The following ATXN1 variants were observed in gnomAD, a reference collection of about 807,000 sequenced individuals.
ATXN1 encodes ataxin-1.
Under a neutral mutation model 56.4 loss-of-function variants are expected in ATXN1, and 8 were observed. The observed-to-expected ratio is 0.14, with a 90% CI of 0.08 to 0.26. The LOEUF is 0.26. Ranked by LOEUF, ATXN1 falls within the 10% of genes least tolerant of loss-of-function variation. ATXN1 has a pLI of 1.00. For missense variants in ATXN1, 987 were observed against 1,106.5 expected, an observed-to-expected ratio of 0.89 and a Z score of 1.53; for synonymous variants, 514 against 494.6, an observed-to-expected ratio of 1.04 and a Z score of -0.52.
At chr6:16,310,776 C>T (rs779720268) in intron 7 of ATXN1, among the ~76,000 whole-genome samples, 1 of 152,206 alleles carries the variant, frequency 6.6e-6, no homozygotes, top group Non-Finnish European at 1.5e-5. Context: ...CGTGAGCCAC[C>T]GTGTCAGGCC....
rs1395125170 is a variant in ATXN1 at position 16,316,892 on chromosome 6, T to TTTTTTTTTA, written c.1917+9501_1917+9502insTAAAAAAAA. Among the ~76,000 whole-genome samples, 18 of 129,622 alleles carry TTTTTTTTTA rather than the reference T, an allele frequency of 1.4e-4. 1 individual carries two copies. Among genetic ancestry groups the TTTTTTTTTA allele is most frequent in the African/African-American group, 4.8e-4 (17 of 35,068 alleles). 85.0% of individuals were successfully genotyped at this position (129,622 alleles called of 152,430 possible). On this transcript the variant is annotated intron_variant, in intron 7 of 7. Transcript: ENST00000436367. ...TTTTTTTTTTTTTTTTTTTTTTTTT[T>TTTTTTTTTA]AACCAGCCAGAACTAAAGTGGGCTG...
At chr6:16,645,365 CA>C (rs1287374362) in intron 3 of ATXN1, among the ~76,000 whole-genome samples, 2 of 152,328 alleles carry the variant, frequency 1.3e-5, no homozygotes, top group African/African-American at 4.8e-5. Flanking sequence ...GTCCTGAGGA[CA>C]GATTATTGAA....
In ATXN1 at chr6:16,336,789, C is replaced by T. The variant is rs9477085; in HGVS notation, c.-160-8319G>A. 1.8e-3 allele frequency among the ~76,000 whole-genome samples: 279 copies of T among 152,204 alleles called. 3 individuals are homozygous for T. Among genetic ancestry groups the T allele is most frequent in the African/African-American group, 6.5e-3 (271 of 41,526 alleles). On this transcript the variant is annotated intron_variant, in intron 6 of 7. Coordinates refer to ENST00000436367, the MANE Select transcript of ATXN1 (RefSeq NM_001128164.2). The stretch of plus-strand genomic sequence containing the variant: ...TCAGGGGAATCTGCCACTACCACTG[C>T]CAGCTGGGACTGCAGTGGGTCAAGC...
chr6:16,678,414 A>G (rs1237836035), intron 2 of ATXN1, among the ~76,000 whole-genome samples: 1 of 152,214 alleles, frequency 6.6e-6, no homozygotes, highest in Non-Finnish European at 1.5e-5. Flanking sequence ...TTTTTATTCT[A>G]TCTTATATTA....
intron 6 of ATXN1, among the ~76,000 whole-genome samples, chr6:16,386,103 C>T (rs755708336): frequency 9.2e-5 from 14 of 152,184 alleles, no homozygotes; most frequent in Non-Finnish European, 2.1e-4. Flanking sequence ...CACATTCCAG[C>T]CTCTAAAGCA....
At chr6:16,559,934 C>A (rs989275943) in intron 4 of ATXN1, among the ~76,000 whole-genome samples, 4 of 152,102 alleles carry the variant, frequency 2.6e-5, no homozygotes, top group Non-Finnish European at 5.9e-5. Context: ...CAAATAGAGG[C>A]ATTTGGCTAA....
At chr6:16,646,055 C>CA (rs1030158919) in intron 3 of ATXN1, among the ~76,000 whole-genome samples, 23 of 148,136 alleles carry the variant, frequency 1.6e-4, no homozygotes, top group Middle Eastern at 3.4e-3. Context: ...TCCATCTCTA[C>CA]AAAAAAAAAA....
chr6:16,457,030 T>C (rs1759890616), intron 6 of ATXN1, among the ~76,000 whole-genome samples: 1 of 152,192 alleles, frequency 6.6e-6, no homozygotes, highest in Non-Finnish European at 1.5e-5. Context: ...TGGAGATCCC[T>C]TCCTTCCCTC....
intron 4 of ATXN1, among the ~76,000 whole-genome samples, chr6:16,549,411 T>C (rs1037192282): frequency 6.6e-6 from 1 of 152,180 alleles, no homozygotes; most frequent in Non-Finnish European, 1.5e-5. Context: ...ATTCTTCAGC[T>C]TCATTATAAT....
At chr6:16,571,940 G>A (rs980908713) in intron 4 of ATXN1, among the ~76,000 whole-genome samples, 1 of 152,162 alleles carries the variant, frequency 6.6e-6, no homozygotes, top group Non-Finnish European at 1.5e-5. Flanking sequence ...TGGGATTGCA[G>A]GGGTGAGCCA....
intron 5 of ATXN1, among the ~76,000 whole-genome samples, chr6:16,486,996 T>C (rs1005726492): frequency 6.6e-6 from 1 of 152,186 alleles, no homozygotes; most frequent in Admixed American, 6.5e-5. Flanking sequence ...TGAAAAGACT[T>C]ATTCATATCC....
intron 2 of ATXN1, among the ~76,000 whole-genome samples, chr6:16,734,980 C>G (rs186521038): frequency 1.3e-5 from 2 of 152,056 alleles, no homozygotes; most frequent in African/African-American, 4.8e-5. Flanking sequence ...TGTGAATATA[C>G]TTTTGTATTT....
intron 6 of ATXN1, among the ~76,000 whole-genome samples, chr6:16,450,075 G>A (rs1233878817): frequency 6.6e-6 from 1 of 152,180 alleles, no homozygotes; most frequent in African/African-American, 2.4e-5. Flanking sequence ...TCAAGATTGT[G>A]TTTGAAAAAG....
At chr6:16,340,735 A>G (rs1158087945) in intron 6 of ATXN1, among the ~76,000 whole-genome samples, 1 of 152,236 alleles carries the variant, frequency 6.6e-6, no homozygotes, top group East Asian at 1.9e-4. Context: ...ATAAAATATA[A>G]CAACGTTGAA....
At chr6:16,689,750 T>C (rs1223165529) in intron 2 of ATXN1, among the ~76,000 whole-genome samples, 7 of 152,170 alleles carry the variant, frequency 4.6e-5, no homozygotes, top group Admixed American at 4.6e-4. Context: ...ACTTATTTTT[T>C]ATAATGAAGA....
At chr6:16,550,563 A>C (rs565976845) in intron 4 of ATXN1, among the ~76,000 whole-genome samples, 98 of 152,394 alleles carry the variant, frequency 6.4e-4, no homozygotes, top group African/African-American at 2.3e-3. Context: ...CATGCATAAT[A>C]GTTGCAGAAT....
chr6:16,566,924 G>A (rs1762241843), intron 4 of ATXN1, among the ~76,000 whole-genome samples: 1 of 151,812 alleles, frequency 6.6e-6, no homozygotes, highest in Non-Finnish European at 1.5e-5. Flanking sequence ...TGTTGCCTAG[G>A]CTAGTCTCAA....
Position 16,305,660 on chromosome 6 carries a change from C to T in ATXN1, c.*669G>A, listed in dbSNP as rs1412261374. 6.6e-6 allele frequency: 1 copy of T among 152,670 alleles called. No individual in the cohort carries two copies. The highest frequency in any genetic ancestry group is 1.5e-5 in the Non-Finnish European group (1 of 68,068). The allele number at this position is 152,670 out of a possible 1,614,324, so 9.5% of individuals were successfully genotyped here. A position where few individuals can be genotyped will look rare whatever the true frequency, so the allele number is the denominator to read the frequency against. Reference sequence around the variant, plus strand: ...AAAATATATATCAGTGCAGTCAGGCCCCATAGGGGGAAATATATATCTATA... The same window carrying T: ...AAAATATATATCAGTGCAGTCAGGCTCCATAGGGGGAAATATATATCTATA... On this transcript the variant is annotated 3_prime_UTR_variant, in exon 8 of 8. Transcript: ENST00000436367.
chr6:16,462,844 C>T (rs1480324897), intron 6 of ATXN1, among the ~76,000 whole-genome samples: 4 of 152,108 alleles, frequency 2.6e-5, no homozygotes, highest in African/African-American at 4.8e-5. Context: ...GCACCCAAAC[C>T]GCTCTATTCA....
Sources: allele counts gnomAD v4.1 joint callset (sites outside exome capture counted in the v4.1 genomes callset), GRCh38; gene constraint gnomAD v4.1.1; transcripts MANE v1.5; gene names NCBI Gene and HGNC (gene_info 2026-07-23, HGNC 2026-07-21).